The following CSTPP1 variants were observed in gnomAD, a reference collection of about 807,000 sequenced individuals.
CSTPP1 encodes centriolar satellite-associated tubulin polyglutamylase complex regulator 1.
chr11:47,157,100 T>C, the CSTPP1 span: 2 of 1,614,144 alleles, frequency 1.2e-6, no homozygotes, highest in Non-Finnish European at 1.7e-6. Context: ...TGTGCCGACG[T>C]CGTCCAGTGG....
chr11:47,137,734 G>T, the CSTPP1 span: 29 of 1,613,592 alleles, frequency 1.8e-5, no homozygotes, highest in African/African-American at 3.2e-4. Context: ...AGCCAGGTAC[G>T]TCTCCTGGAC....
the CSTPP1 span, among the ~76,000 whole-genome samples, chr11:46,955,608 C>G: frequency 2.6e-5 from 4 of 151,752 alleles, no homozygotes; most frequent in Admixed American, 2.0e-4. Context: ...TGTGATTCGC[C>G]CGCCTCAGCC....
the CSTPP1 span, among the ~76,000 whole-genome samples, chr11:47,014,042 C>T: frequency 6.6e-6 from 1 of 151,770 alleles, no homozygotes; most frequent in African/African-American, 2.4e-5. Context: ...CCCATCTCTA[C>T]AAAAAAATAC....
chr11:46,963,961 A>G, the CSTPP1 span, among the ~76,000 whole-genome samples: 1 of 152,116 alleles, frequency 6.6e-6, no homozygotes, highest in Non-Finnish European at 1.5e-5. Flanking sequence ...TTATTTTTAA[A>G]TGTATAATTA....
chr11:47,150,344 C>T, the CSTPP1 span, among the ~76,000 whole-genome samples: 5 of 152,214 alleles, frequency 3.3e-5, no homozygotes, highest in Admixed American at 1.3e-4. Flanking sequence ...AAAAGGGGAC[C>T]GTGGCTTCTC....
chr11:47,108,367 C>T, the CSTPP1 span, among the ~76,000 whole-genome samples: 6 of 152,176 alleles, frequency 3.9e-5, no homozygotes, highest in Admixed American at 3.3e-4. Context: ...GGCTATCTGC[C>T]GTATATACAG....
the CSTPP1 span, among the ~76,000 whole-genome samples, chr11:47,060,053 A>C: frequency 6.6e-6 from 1 of 151,390 alleles, no homozygotes; most frequent in Non-Finnish European, 1.5e-5. Context: ...GCAGTGAGCC[A>C]AGATCATGCC....
chr11:47,070,388 G>A, the CSTPP1 span, among the ~76,000 whole-genome samples: 1 of 151,950 alleles, frequency 6.6e-6, no homozygotes, highest in Non-Finnish European at 1.5e-5. Context: ...CACTGATACC[G>A]CCTGACCCTA....
the CSTPP1 span, among the ~76,000 whole-genome samples, chr11:47,065,261 A>G: frequency 2.0e-5 from 3 of 152,156 alleles, no homozygotes; most frequent in African/African-American, 2.4e-5. Context: ...CATTTAATCT[A>G]TGAACATAGG....
chr11:47,032,337 C>T, the CSTPP1 span, among the ~76,000 whole-genome samples: 1 of 152,114 alleles, frequency 6.6e-6, no homozygotes, highest in East Asian at 1.9e-4. Flanking sequence ...GTTGTGAACA[C>T]AGCCTTCACA....
the CSTPP1 span, among the ~76,000 whole-genome samples, chr11:47,005,966 G>A: frequency 6.6e-6 from 1 of 152,022 alleles, no homozygotes. Flanking sequence ...GGATATAGCA[G>A]TGAAAAAAAC....
the CSTPP1 span, among the ~76,000 whole-genome samples, chr11:47,113,454 A>G: frequency 6.6e-6 from 1 of 152,206 alleles, no homozygotes; most frequent in African/African-American, 2.4e-5. Context: ...GAATTAGTTT[A>G]CAGTCCCACC....
chr11:47,158,192 A>C, the CSTPP1 span, among the ~76,000 whole-genome samples: 4 of 152,192 alleles, frequency 2.6e-5, no homozygotes, highest in Admixed American at 2.6e-4. Context: ...CCCTCCTCAG[A>C]GAACCCCAGC....
chr11:47,074,597 T>C, the CSTPP1 span, among the ~76,000 whole-genome samples: 1 of 152,090 alleles, frequency 6.6e-6, no homozygotes, highest in Non-Finnish European at 1.5e-5. Context: ...AGATGGAGAC[T>C]TTTCAAACAA....
chr11:47,031,698 T>C, the CSTPP1 span, among the ~76,000 whole-genome samples: 5,843 of 136,940 alleles, frequency 0.043, 354 homozygotes, highest in African/African-American at 0.14. Flanking sequence ...CCCCATCTCT[T>C]TTTTTTTTTT....
chr11:47,039,347 AC>A, the CSTPP1 span, among the ~76,000 whole-genome samples: 2 of 127,606 alleles, frequency 1.6e-5, no homozygotes, highest in African/African-American at 4.9e-5. Flanking sequence ...CCAAAAAAAT[AC>A]GAAAACCAGT....
chr11:47,138,217 G>A, the CSTPP1 span, among the ~76,000 whole-genome samples: 3 of 152,198 alleles, frequency 2.0e-5, no homozygotes, highest in Non-Finnish European at 4.4e-5. Context: ...CATGGTGGTA[G>A]GAGAGAGAAG....
At chr11:47,157,154 G>C in the CSTPP1 span, 5 of 1,612,844 alleles carry the variant, frequency 3.1e-6, no homozygotes, top group African/African-American at 1.3e-5. Context: ...CGGCACGCTG[G>C]AGGGCGTGGA....
the CSTPP1 span, among the ~76,000 whole-genome samples, chr11:47,163,193 A>T: frequency 8.6e-5 from 13 of 150,628 alleles, no homozygotes; most frequent in African/African-American, 2.4e-4. Context: ...AAAAAAAAAA[A>T]GCTCAGGCTG....
Sources: allele counts gnomAD v4.1 joint callset (sites outside exome capture counted in the v4.1 genomes callset), GRCh38; gene constraint gnomAD v4.1.1; transcripts MANE v1.5; gene names NCBI Gene and HGNC (gene_info 2026-07-23, HGNC 2026-07-21).